Variants in FANCC observed in about 807,000 individuals in gnomAD.
FANCC encodes FA complementation group C.
Under a neutral mutation model 71.3 loss-of-function variants are expected in FANCC, and 55 were observed. That is an observed-to-expected ratio of 0.77 (90% CI 0.62 to 0.97). FANCC has a LOEUF of 0.97. FANCC is among the 50% of genes least tolerant of loss of function. FANCC has a pLI of 0.00. For synonymous variants in FANCC, 275 were observed against 244.9 expected (o/e 1.12, Z -1.15); for missense variants, 678 against 670.9 (o/e 1.01, Z -0.12).
At chr9:95,210,622 GAA>G (rs1464643893) in intron 4 of FANCC, among the ~76,000 whole-genome samples, 6 of 152,070 alleles carry the variant, frequency 3.9e-5, no homozygotes, top group Non-Finnish European at 7.4e-5. Context: ...CTGTAATTTC[GAA>G]AAGTTATATG....
chr9:95,218,014 A>G (rs1024045575), intron 4 of FANCC, among the ~76,000 whole-genome samples: 1 of 152,220 alleles, frequency 6.6e-6, no homozygotes, highest in African/African-American at 2.4e-5. Flanking sequence ...TCTTTAAATG[A>G]CAAAAATTAT....
chr9:95,317,037 G>T (rs1290459656), intron 1 of FANCC: 1 of 152,438 alleles, frequency 6.6e-6, no homozygotes, highest in Non-Finnish European at 1.5e-5. Flanking sequence ...GGGGTGTGAG[G>T]GACGGGGAGG....
chr9:95,201,448 A>G (rs946135257), intron 4 of FANCC, among the ~76,000 whole-genome samples: 2 of 152,236 alleles, frequency 1.3e-5, no homozygotes, highest in African/African-American at 4.8e-5. Flanking sequence ...TAAGAAAAAA[A>G]GCAAGCCAAA....
At position 95,099,566 on chromosome 9, in the gene FANCC, G is replaced by A. The variant is rs929195847; in HGVS notation, c.*2141C>T. The A allele has an allele frequency of 3.5e-5, 8 of 230,918 alleles. No homozygotes were observed. Among genetic ancestry groups the A allele is most frequent in the African/African-American group, 1.8e-4 (8 of 45,026 alleles). 14.3% of individuals were successfully genotyped at this position (230,918 alleles called of 1,614,324 possible). A position where few individuals can be genotyped will look rare whatever the true frequency, so the allele number is the denominator to read the frequency against. On this transcript the variant is annotated 3_prime_UTR_variant, in exon 15 of 15. Transcript: ENST00000289081. ...CCCGGCCGCCACCTGTCTTGGAGGT[G>A]GAGGGAATGGCCGAGGGGTGGCTCC...
At chr9:95,265,531 C>A (rs1832334468) in intron 1 of FANCC, among the ~76,000 whole-genome samples, 2 of 152,182 alleles carry the variant, frequency 1.3e-5, no homozygotes, top group Non-Finnish European at 2.9e-5. Context: ...TACCAGCCTT[C>A]CCTCATGCAT....
intron 1 of FANCC, among the ~76,000 whole-genome samples, chr9:95,306,337 C>T (rs1348696449): frequency 1.3e-5 from 2 of 152,136 alleles, no homozygotes; most frequent in East Asian, 3.8e-4. Context: ...TGCTGGCATT[C>T]ATTGAGGGTT....
At chr9:95,112,756 C>T (rs936033431) in intron 12 of FANCC, among the ~76,000 whole-genome samples, 1 of 152,218 alleles carries the variant, frequency 6.6e-6, no homozygotes, top group East Asian at 1.9e-4. Flanking sequence ...CTGTCTTCCA[C>T]CAGTAGCTGA....
At chr9:95,140,822 A>G (rs2135279011) in intron 7 of FANCC, among the ~76,000 whole-genome samples, 1 of 152,282 alleles carries the variant, frequency 6.6e-6, no homozygotes, top group Non-Finnish European at 1.5e-5. Flanking sequence ...ATTCAGACAA[A>G]AGTTGCCATC....
chr9:95,312,775 G>A (rs1371811617), intron 1 of FANCC, among the ~76,000 whole-genome samples: 4 of 152,216 alleles, frequency 2.6e-5, no homozygotes, highest in Non-Finnish European at 4.4e-5. Flanking sequence ...CTAGGGCTGA[G>A]GTGGGTGCCC....
chr9:95,170,855 T>C (rs1274574795), intron 6 of FANCC, among the ~76,000 whole-genome samples: 1 of 152,154 alleles, frequency 6.6e-6, no homozygotes, highest in Non-Finnish European at 1.5e-5. Context: ...ACAAAAGACA[T>C]TGTATGATTT....
chr9:95,145,235 A>G (rs1829367738), intron 7 of FANCC: 1 of 152,244 alleles, frequency 6.6e-6, no homozygotes, highest in Non-Finnish European at 1.5e-5. Context: ...CAAACAACAC[A>G]ATGAAAATCT....
intron 10 of FANCC, 114 bp from the exon 11 acceptor site, chr9:95,117,504 C>G (rs1182859275): frequency 3.9e-6 from 3 of 763,930 alleles, no homozygotes; most frequent in Non-Finnish European, 6.9e-6. Context: ...CTAACATGGT[C>G]AGAACACTTT....
intron 3 of FANCC, among the ~76,000 whole-genome samples, chr9:95,245,416 A>G (rs1321353607): frequency 1.3e-5 from 2 of 152,188 alleles, no homozygotes; most frequent in East Asian, 3.9e-4. Context: ...AACTGAGAAT[A>G]GTACCAAACC....
At chr9:95,123,691 C>T (rs747505308) in intron 10 of FANCC, 5 of 672,104 alleles carry the variant, frequency 7.4e-6, no homozygotes, top group Admixed American at 1.8e-5. Flanking sequence ...CTGAAGCGAG[C>T]GTCTTTGATG....
intron 4 of FANCC, among the ~76,000 whole-genome samples, chr9:95,195,100 A>C (rs889786995): frequency 2.7e-5 from 4 of 146,758 alleles, no homozygotes; most frequent in African/African-American, 1.0e-4. Context: ...TGGGAGGCTG[A>C]GGCAAGAGAA....
chr9:95,111,217 G>A (rs561176423), intron 13 of FANCC: 1 of 1,536,456 alleles, frequency 6.5e-7, no homozygotes, highest in African/African-American at 1.4e-5. Context: ...TGGGGAAGAA[G>A]GGTCTTCGTT....
chr9:95,264,853 C>G (rs1832293428), intron 1 of FANCC, among the ~76,000 whole-genome samples: 1 of 152,110 alleles, frequency 6.6e-6, no homozygotes, highest in African/African-American at 2.4e-5. Context: ...TTCAATTCCA[C>G]TTAAGTTGAC....
chr9:95,266,784 C>T (rs1832407067), intron 1 of FANCC, among the ~76,000 whole-genome samples: 1 of 152,174 alleles, frequency 6.6e-6, no homozygotes, highest in Non-Finnish European at 1.5e-5. Flanking sequence ...GTTTAAGTAA[C>T]TATATGCTAT....
intron 1 of FANCC, among the ~76,000 whole-genome samples, chr9:95,296,861 G>C (rs1374985000): frequency 6.6e-6 from 1 of 152,192 alleles, no homozygotes; most frequent in African/African-American, 2.4e-5. Flanking sequence ...TTGTAATGAA[G>C]TTCAAAGGCA....
Sources: gnomAD v4.1 joint callset for allele counts (sites outside exome capture counted in the v4.1 genomes callset) on GRCh38, gnomAD v4.1.1 for gene constraint, MANE v1.5 for transcripts, NCBI Gene and HGNC (gene_info 2026-07-23, HGNC 2026-07-21) for gene names.